Variants in KCNH5 observed in about 807,000 individuals in gnomAD.
KCNH5 encodes the protein potassium voltage-gated channel subfamily H member 5.
A neutral mutation model predicts 96.1 loss-of-function variants in KCNH5; 46 were observed. The ratio of observed to expected loss-of-function variants is 0.48; its 90% CI spans 0.38 to 0.61. The LOEUF is 0.61. Among genes scored for constraint, KCNH5 ranks in the 20% least tolerant of loss-of-function variants. KCNH5 has a pLI of 0.00. For missense variants in KCNH5, 907 were observed against 1,225.8 expected (o/e 0.74, Z 3.88); for synonymous variants, 439 against 449.8 (o/e 0.98, Z 0.30).
chr14:63,017,008 T>C, intron 1 of KCNH5, 54 bp from the exon 2 acceptor site: 1 of 1,540,022 alleles, frequency 6.5e-7, no homozygotes, highest in South Asian at 1.2e-5. Context: ...AACAATGCAC[T>C]TATTTCAAGT....
At chr14:62,873,185 G>C (rs114512026) in intron 7 of KCNH5, among the ~76,000 whole-genome samples, 2,723 of 151,320 alleles carry the variant, frequency 0.018, 78 homozygotes, top group African/African-American at 0.062. Context: ...AGAGAAGGAA[G>C]AGAAAGAAAA....
intron 10 of KCNH5, among the ~76,000 whole-genome samples, chr14:62,757,233 A>G (rs1885642855): frequency 6.6e-6 from 1 of 152,176 alleles, no homozygotes; most frequent in Non-Finnish European, 1.5e-5. Flanking sequence ...ATGCAAAGCT[A>G]CAATGCAATA....
chr14:62,872,889 G>T (rs1436529142), intron 7 of KCNH5, among the ~76,000 whole-genome samples: 1 of 152,078 alleles, frequency 6.6e-6, no homozygotes, highest in Non-Finnish European at 1.5e-5. Flanking sequence ...GAAGGCTCCC[G>T]CCTGTAATCC....
chr14:62,854,671 A>C (rs1169396195), intron 7 of KCNH5, among the ~76,000 whole-genome samples: 1 of 151,952 alleles, frequency 6.6e-6, no homozygotes, highest in African/African-American at 2.4e-5. Context: ...TGACAATTTC[A>C]TAAGGGTCTT....
rs868512794 is a variant in KCNH5 at position 62,814,544 on chromosome 14, G to A, written c.1570-11963C>T. On this transcript the variant is annotated intron_variant, in intron 8 of 10. Coordinates refer to ENST00000322893, the MANE Select transcript of KCNH5 (RefSeq NM_139318.5). ...CTTTTTAGTCCCCATGACAAGTGAT[G>A]TTCCCATCCTTAAAAGAATGAGCCA... Among the ~76,000 whole-genome samples, 3 of 152,030 alleles carry A rather than the reference G, an allele frequency of 2.0e-5. No homozygotes were observed. In the Middle Eastern group the frequency reaches 0.01, roughly 517 times the overall value.
intron 6 of KCNH5, among the ~76,000 whole-genome samples, chr14:62,977,807 T>A (rs1412183134): frequency 2.6e-5 from 4 of 152,110 alleles, no homozygotes. Flanking sequence ...AGAATTTTAC[T>A]GAGGTAAATG....
At chr14:62,854,004 C>CA (rs548263620) in intron 7 of KCNH5, among the ~76,000 whole-genome samples, 2,816 of 83,268 alleles carry the variant, frequency 0.034, 74 homozygotes, top group African/African-American at 0.097. Flanking sequence ...GAGACTCTGT[C>CA]AAAAAAAAAA....
At chr14:62,860,419 G>A (rs751556864) in intron 7 of KCNH5, among the ~76,000 whole-genome samples, 1 of 152,156 alleles carries the variant, frequency 6.6e-6, no homozygotes, top group Non-Finnish European at 1.5e-5. Context: ...CACTTGCCTT[G>A]CTTACACAGC....
intron 8 of KCNH5, among the ~76,000 whole-genome samples, chr14:62,827,853 T>C (rs555120943): frequency 6.6e-6 from 1 of 152,298 alleles, no homozygotes; most frequent in African/African-American, 2.4e-5. Context: ...TTAGTTCTGT[T>C]TTATTTCATG....
chr14:62,807,009 C>T (rs1595631298), intron 8 of KCNH5, among the ~76,000 whole-genome samples: 1 of 152,130 alleles, frequency 6.6e-6, no homozygotes, highest in Non-Finnish European at 1.5e-5. Flanking sequence ...TACCAAGAAG[C>T]AGCTGCCTGA....
rs945699324 is a variant in KCNH5 at position 62,707,326 on chromosome 14, T to C, written c.*182A>G. 5 of 349,320 alleles carry C rather than the reference T, an allele frequency of 1.4e-5. No homozygotes were observed. The highest frequency in any genetic ancestry group is 2.9e-4 in the South Asian group (2 of 6,816). The allele number at this position is 349,320 out of a possible 1,614,324, so 21.6% of individuals were successfully genotyped here. ...CTGCATAATATACAAGCAATATCTATGTTTTTAATCATCATCTTCTTTGGC... is the reference window on the plus strand; with the variant it reads ...CTGCATAATATACAAGCAATATCTACGTTTTTAATCATCATCTTCTTTGGC... On this transcript the variant is annotated 3_prime_UTR_variant, in exon 11 of 11. Transcript: ENST00000322893.
intron 2 of KCNH5, among the ~76,000 whole-genome samples, chr14:63,013,298 C>A (rs1891263432): frequency 6.6e-6 from 1 of 152,158 alleles, no homozygotes; most frequent in African/African-American, 2.4e-5. Flanking sequence ...GACTTTAATT[C>A]ATCTAATGCA....
chr14:62,750,237 C>G (rs2139944062), intron 10 of KCNH5, among the ~76,000 whole-genome samples: 1 of 152,232 alleles, frequency 6.6e-6, no homozygotes, highest in South Asian at 2.1e-4. Context: ...TTTAAGTAAG[C>G]CTTTACGTAT....
intron 10 of KCNH5, among the ~76,000 whole-genome samples, chr14:62,748,215 G>A (rs537662111): frequency 1.3e-5 from 2 of 152,254 alleles, no homozygotes; most frequent in East Asian, 3.9e-4. Flanking sequence ...AAGGAGGCAC[G>A]CATCCACCCT....
chr14:62,891,691 A>C (rs1409350487), intron 7 of KCNH5, among the ~76,000 whole-genome samples: 1 of 152,156 alleles, frequency 6.6e-6, no homozygotes, highest in Non-Finnish European at 1.5e-5. Flanking sequence ...GCATCAAGCA[A>C]GTCTATTGAT....
intron 7 of KCNH5, among the ~76,000 whole-genome samples, chr14:62,893,371 G>T (rs374716632): frequency 6.6e-6 from 1 of 152,296 alleles, no homozygotes; most frequent in South Asian, 2.1e-4. Context: ...TGCTTCTTAC[G>T]GATAAGTGAA....
chr14:62,807,082 C>T (rs1595631358), intron 8 of KCNH5, among the ~76,000 whole-genome samples: 1 of 152,132 alleles, frequency 6.6e-6, no homozygotes, highest in Non-Finnish European at 1.5e-5. Context: ...TTTGCCTTCC[C>T]CACACTGCAC....
intron 7 of KCNH5, among the ~76,000 whole-genome samples, chr14:62,857,682 G>C (rs987739870): frequency 2.0e-5 from 3 of 152,122 alleles, no homozygotes; most frequent in African/African-American, 7.2e-5. Flanking sequence ...TTTTCTGCCT[G>C]TTTTATATTC....
chr14:62,786,582 C>G (rs1371999158), intron 9 of KCNH5, among the ~76,000 whole-genome samples: 1 of 152,126 alleles, frequency 6.6e-6, no homozygotes, highest in Non-Finnish European at 1.5e-5. Flanking sequence ...TATTACAATA[C>G]AGGCATAATC....
Sources: allele counts gnomAD v4.1 joint callset (sites outside exome capture counted in the v4.1 genomes callset), GRCh38; gene constraint gnomAD v4.1.1; transcripts MANE v1.5; gene names NCBI Gene and HGNC (gene_info 2026-07-23, HGNC 2026-07-21).